HSP90B1: variants seen among roughly 807,000 people sequenced by gnomAD.
HSP90B1 encodes endoplasmin.
In HSP90B1, 27 loss-of-function variants were observed where a neutral mutation model predicts 100.4. The observed-to-expected ratio is 0.27, with a 90% CI of 0.20 to 0.37. HSP90B1 has a LOEUF of 0.37. Ranked by LOEUF, HSP90B1 falls within the 10% of genes least tolerant of loss-of-function variation. HSP90B1 has a pLI of 1.00. For synonymous variants in HSP90B1, 304 were observed against 330.8 expected, an observed-to-expected ratio of 0.92 and a Z score of 0.88; for missense variants, 678 against 960.5, an observed-to-expected ratio of 0.71 and a Z score of 3.89.
chr12:103,941,283 G>T, intron 8 of HSP90B1, 127 bp from the exon 9 acceptor site: 5 of 829,978 alleles, frequency 6.0e-6, no homozygotes, highest in Admixed American at 2.6e-5. Context: ...CCCACCTCCC[G>T]CCAGTAAAGG....
chr12:103,942,548 C>G lies in HSP90B1; in HGVS notation c.1396C>G (p.Arg466Gly). 6.2e-7 allele frequency: 1 copy of G among 1,613,720 alleles called. No individual in the cohort carries two copies. Among genetic ancestry groups the G allele is most frequent in the Non-Finnish European group, 8.5e-7 (1 of 1,179,740 alleles). Residue 466 changes from arginine to glycine, a missense_variant, in exon 12 of 18, where the codon CGT becomes GGT. By Grantham distance (125) the Arg-to-Gly change is moderately radical (BLOSUM62 -2). Around this residue, in one of 8 missense-constraint regions of HSP90B1, gnomAD observed 170 missense variants for 236.7 expected, o/e 0.72. Transcript: ENST00000299767. The stretch of plus-strand genomic sequence containing the variant: ...TTAGGTGATTAGGAAGAAGCTTGTT[C>G]GTAAAACGCTGGACATGATCAAGAA... ...LLKVIRKKLV[R>G]KTLDMIKKIA...
Position 103,934,279 on chromosome 12 carries a change from G to C in HSP90B1, c.735G>C (p.Thr245=), listed in dbSNP as rs763309418. Reference sequence around the variant, plus strand: ...GAGGAAACACTCTAGGACGGGGAACGACAATTACGTGAGTATGACCAATTC... The same window carrying C: ...GAGGAAACACTCTAGGACGGGGAACCACAATTACGTGAGTATGACCAATTC... The part of the protein sequence containing the change: ...DPRGNTLGRG[T]TITLVLKEEA... The change falls in exon 5 of 18, where the codon ACG becomes ACC. Residue 245 remains threonine, a synonymous_variant. Transcript: ENST00000299767. The C allele has an allele frequency of 6.2e-7, 1 of 1,611,742 alleles. No individual in the cohort carries two copies. Among genetic ancestry groups the C allele is most frequent in the African/African-American group, 1.3e-5 (1 of 74,974 alleles).
chr12:103,938,220 T>G, intron 6 of HSP90B1, 120 bp from the exon 7 acceptor site: 1 of 777,224 alleles, frequency 1.3e-6, no homozygotes, highest in Non-Finnish European at 2.0e-6. Context: ...TAGTTAAGGA[T>G]ACTCTCAGGG....
chr12:103,934,096 T>A lies in HSP90B1; in HGVS notation c.552T>A (p.Asp184Glu). The change falls in exon 5 of 18, where the codon GAT (aspartate) becomes GAA (glutamate). Residue 184 changes from aspartate to glutamate, a missense_variant. Asp to Glu is a conservative substitution (Grantham distance 45). Transcript: ENST00000299767. ...ACAAAATGACTGAAGCACAGGAAGATGGCCAGTCAACTTCTGAATTGATTG... is the reference window on the plus strand; with the variant it reads ...ACAAAATGACTGAAGCACAGGAAGAAGGCCAGTCAACTTCTGAATTGATTG... ...FLNKMTEAQE[D>E]GQSTSELIGQ... The A allele has an allele frequency of 6.2e-7, 1 of 1,614,232 alleles. No individual in the cohort carries two copies. Among genetic ancestry groups the A allele is most frequent in the African/African-American group, 1.3e-5 (1 of 75,056 alleles).
At chr12:103,944,375 G>A (rs998024300) in intron 14 of HSP90B1, among the ~76,000 whole-genome samples, 4 of 152,146 alleles carry the variant, frequency 2.6e-5, no homozygotes, top group Non-Finnish European at 4.4e-5. Context: ...TGGAGGTATA[G>A]TGAGTCTTTG....
intron 17 of HSP90B1, 48 bp from the exon 18 acceptor site, chr12:103,947,585 T>C (rs1870275387): frequency 6.4e-7 from 1 of 1,556,344 alleles, no homozygotes; most frequent in Non-Finnish European, 8.7e-7. Context: ...CTAGGTTTTT[T>C]TTCTGCTAAC....
Position 103,943,226 on chromosome 12 carries a change from T to C in HSP90B1, c.1797T>C (p.Asp599=), listed in dbSNP as rs764399664. The change falls in exon 13 of 18, where the codon GAT becomes GAC. Residue 599 remains aspartate (D), a synonymous_variant. Transcript: ENST00000299767. The surrounding 1 kb of genome is among the most constrained non-coding windows in gnomAD (Gnocchi z 5.3). ...QNVAKEGVKF[D]ESEKTKESRE... ...TTGCCAAGGAAGGAGTGAAGTTCGA[T>C]GAAAGTGAGAAAACTAAGGAGAGTC... is the stretch of plus-strand genomic sequence containing the variant. 3.7e-6 allele frequency: 6 copies of C among 1,614,014 alleles called. No homozygotes were observed. The highest frequency in any genetic ancestry group is 2.7e-5 in the African/African-American group (2 of 74,908).
At position 103,943,546 on chromosome 12, in the gene HSP90B1, C is replaced by T; in HGVS notation, c.1891-192C>T. 1.4e-6 allele frequency: 1 copy of T among 704,984 alleles called. No homozygotes were observed. The highest frequency in any genetic ancestry group is 2.3e-6 in the Non-Finnish European group (1 of 441,932). The allele number at this position is 704,984 out of a possible 1,614,324, so 43.7% of individuals were successfully genotyped here. On this transcript the variant is annotated intron_variant, in intron 13 of 17. Coordinates refer to ENST00000299767, the MANE Select transcript of HSP90B1 (RefSeq NM_003299.3). This position sits in a 1 kb window ranked among gnomAD's most constrained non-coding sequence, Gnocchi z 5.3. ...ATGTTTTTAAAAGGTGGTATTTAAA[C>T]TTCTGACTAGAAAATTCAGATTATC... is the stretch of plus-strand genomic sequence containing the variant.
Position 103,941,390 on chromosome 12 carries a change from A to G in HSP90B1, c.1093-20A>G. On this transcript the variant is annotated intron_variant, in intron 8 of 17. Coordinates refer to ENST00000299767, the MANE Select transcript of HSP90B1 (RefSeq NM_003299.3). ...TTTCTCCTGTGTCGTTTGAATGACTAAGATACCAACTTTCCACAGGAAAGT... is the reference window on the plus strand; with the variant it reads ...TTTCTCCTGTGTCGTTTGAATGACTGAGATACCAACTTTCCACAGGAAAGT... 6.2e-7 allele frequency: 1 copy of G among 1,610,518 alleles called. No homozygotes were observed. Among genetic ancestry groups the G allele is most frequent in the South Asian group, 1.1e-5 (1 of 90,826 alleles).
chr12:103,943,154 C>T lies in HSP90B1; in HGVS notation c.1725C>T (p.Tyr575=). Residue 575 remains tyrosine, a synonymous_variant, in exon 13 of 18, where the codon TAC becomes TAT. Transcript: ENST00000299767. This position sits in a 1 kb window ranked among gnomAD's most constrained non-coding sequence, Gnocchi z 5.3. ...VIYLTEPVDE[Y]CIQALPEFDG... ...ACCTCACAGAACCTGTGGATGAATA[C>T]TGTATTCAGGCCCTTCCCGAATTTG... 1.9e-6 allele frequency: 3 copies of T among 1,614,170 alleles called. No homozygotes were observed. Among genetic ancestry groups the T allele is most frequent in the Non-Finnish European group, 2.5e-6 (3 of 1,180,018 alleles).
chr12:103,937,851 G>A (rs764590941), intron 6 of HSP90B1, 45 bp downstream of exon 6: 20 of 978,380 alleles, frequency 2.0e-5, no homozygotes, highest in African/African-American at 1.3e-4. Context: ...ACCTTGGCAC[G>A]TATTTAAATA....
chr12:103,934,881 A>G (rs886076789), intron 5 of HSP90B1, among the ~76,000 whole-genome samples: 1 of 152,108 alleles, frequency 6.6e-6, no homozygotes, highest in African/African-American at 2.4e-5. Flanking sequence ...TTGTATTTTT[A>G]GTAGAGATGG....
intron 5 of HSP90B1, among the ~76,000 whole-genome samples, chr12:103,935,242 C>G (rs748716090): frequency 6.6e-6 from 1 of 152,078 alleles, no homozygotes. Context: ...AATTAAGATC[C>G]CTCTTAAGCC....
rs1439998754 is a variant in HSP90B1 at position 103,932,355 on chromosome 12, C to G, written c.231C>G (p.Ala77=). The G allele has an allele frequency of 4.3e-6, 7 of 1,613,124 alleles. No individual in the cohort carries two copies. Among genetic ancestry groups the G allele is most frequent in the Non-Finnish European group, 5.9e-6 (7 of 1,179,514 alleles). ...RELREKSEKF[A]FQAEVNRMMK... Reference sequence around the variant, plus strand: ...TTAGAGAGAAGTCGGAAAAGTTTGCCTTCCAAGCCGAAGTTAACAGAATGA... The same window carrying G: ...TTAGAGAGAAGTCGGAAAAGTTTGCGTTCCAAGCCGAAGTTAACAGAATGA... The change falls in exon 3 of 18, where the codon GCC becomes GCG. Residue 77 remains alanine (A), a synonymous_variant. Coordinates refer to ENST00000299767, the MANE Select transcript of HSP90B1 (RefSeq NM_003299.3).
chr12:103,947,553 A>G (rs1870274343), intron 17 of HSP90B1, 80 bp from the exon 18 acceptor site: 1 of 1,572,116 alleles, frequency 6.4e-7, no homozygotes, highest in Non-Finnish European at 8.7e-7. Flanking sequence ...TAAATTGTTT[A>G]TTTCATGCAC....
intron 5 of HSP90B1, among the ~76,000 whole-genome samples, chr12:103,937,043 C>T (rs545194950): frequency 2.0e-4 from 31 of 152,304 alleles, no homozygotes; most frequent in Admixed American, 1.4e-3. Context: ...CACAGTGGCT[C>T]ACACCTGTAA....
Position 103,943,484 on chromosome 12 carries a change from T to C in HSP90B1, c.1890+165T>C. ...GGAGAAAGCTTAAAACTTTCGACAA[T>C]ACTGCTTTGTTAATAACTTGTTACA... On this transcript the variant is annotated intron_variant, in intron 13 of 17. Transcript: ENST00000299767. This position sits in a 1 kb window ranked among gnomAD's most constrained non-coding sequence, Gnocchi z 5.3. The C allele has an allele frequency of 1.4e-6, 1 of 727,964 alleles. No homozygotes were observed. The highest frequency in any genetic ancestry group is 2.7e-5 in the East Asian group (1 of 36,628). 45.1% of individuals were successfully genotyped at this position (727,964 alleles called of 1,614,324 possible). A position where few individuals can be genotyped will look rare whatever the true frequency, so the allele number is the denominator to read the frequency against.
intron 11 of HSP90B1, 101 bp from the exon 12 acceptor site, chr12:103,942,426 C>T (rs2136216512): frequency 1.9e-6 from 2 of 1,051,156 alleles, no homozygotes; most frequent in Non-Finnish European, 2.8e-6. Flanking sequence ...ATGGCAATAA[C>T]GATATCGTCT....
intron 15 of HSP90B1, 24 bp downstream of exon 15, chr12:103,946,720 C>T (rs2136218087): frequency 6.2e-7 from 1 of 1,612,496 alleles, no homozygotes; most frequent in Non-Finnish European, 8.5e-7. Context: ...AGTCCTCTTG[C>T]TTGTCTTTTA....
Sources: allele counts gnomAD v4.1 joint callset (sites outside exome capture counted in the v4.1 genomes callset), GRCh38; gene constraint gnomAD v4.1.1; regional missense constraint gnomAD v4.1.1; non-coding constraint Gnocchi (gnomAD v3.1); transcripts MANE v1.5; gene names NCBI Gene and HGNC (gene_info 2026-07-23, HGNC 2026-07-21).